The following INIP variants were observed in gnomAD, a reference collection of about 807,000 sequenced individuals.
INIP encodes SOSS complex subunit C.
INIP carries 9 observed loss-of-function variants against 14.0 expected under a neutral mutation model. The ratio of observed to expected loss-of-function variants is 0.64; its 90% CI spans 0.39 to 1.12. The LOEUF (loss-of-function observed/expected upper bound fraction) is 1.12. Ranked by LOEUF, INIP falls within the 50% of genes most tolerant of loss-of-function variation. The pLI, the probability that INIP is intolerant of heterozygous loss-of-function variation, is 0.01. For synonymous variants in INIP, 37 were observed against 41.5 expected (o/e 0.89, Z 0.41); for missense variants, 78 against 122.7 (o/e 0.64, Z 1.72).
intron 2 of INIP, among the ~76,000 whole-genome samples, chr9:112,699,638 G>T (rs1009145178): frequency 6.6e-6 from 1 of 152,150 alleles, no homozygotes; most frequent in Non-Finnish European, 1.5e-5. Context: ...AGTACCATCT[G>T]TGATTTCAGG....
chr9:112,689,692 ATCT>A, intron 3 of INIP, 75 bp from the exon 4 acceptor site: 1 of 1,121,740 alleles, frequency 8.9e-7, no homozygotes, highest in Non-Finnish European at 1.3e-6. Context: ...GTAGTAAATT[ATCT>A]TCTTTTTTTT....
rs1159278831 is a variant in INIP, at chr9:112,705,026, G to T, written c.26-10793C>A. Among the ~76,000 whole-genome samples the T allele has an allele frequency of 2.0e-5, 3 of 149,150 alleles. No homozygotes were observed. In the East Asian group the frequency reaches 6.0e-4, roughly 30 times the overall value. The stretch of plus-strand genomic sequence containing the variant: ...CTCAGGAGGCTTAGGCAGGAGGATG[G>T]CTTGAACCTGGGAGGTCAAAGCTGC... On this transcript the variant is annotated intron_variant, in intron 2 of 4. Coordinates refer to ENST00000374242, the MANE Select transcript of INIP (RefSeq NM_021218.3).
In INIP at chr9:112,713,855, G is replaced by A. The variant is rs561103116; in HGVS notation, c.25+2606C>T. Among the ~76,000 whole-genome samples, 10 of 152,044 alleles carry A rather than the reference G, an allele frequency of 6.6e-5. 1 individual carries two copies. The East Asian group carries it at 1.7e-3, about 26-fold the overall frequency. On this transcript the variant is annotated intron_variant, in intron 2 of 4. Transcript: ENST00000374242. ...AAAAATTAGCCAGGCGCAGTGGCAC[G>A]CGCCTGTAATCCCAGCTACTCAGGA... is the stretch of plus-strand genomic sequence containing the variant.
intron 4 of INIP, among the ~76,000 whole-genome samples, chr9:112,688,647 C>T (rs1340794663): frequency 1.3e-5 from 2 of 151,898 alleles, no homozygotes; most frequent in Non-Finnish European, 2.9e-5. Flanking sequence ...ACAGTGAGAC[C>T]CCATCTCTAC....
intron 2 of INIP, among the ~76,000 whole-genome samples, chr9:112,707,181 C>T (rs1172138778): frequency 2.6e-5 from 4 of 151,210 alleles, no homozygotes; most frequent in South Asian, 2.1e-4. Context: ...TCAGGTGATC[C>T]GCCCACTTTG....
chr9:112,707,694 T>C (rs1838524469), intron 2 of INIP, among the ~76,000 whole-genome samples: 1 of 152,348 alleles, frequency 6.6e-6, no homozygotes, highest in African/African-American at 2.4e-5. Flanking sequence ...GTGAAAATTA[T>C]TTTGATTATG....
rs1406873720 is a variant in INIP at position 112,685,028 on chromosome 9, G to A, written c.*2510C>T. ...GTAAAAATCACATGAATACTTCTAA[G>A]CCTAGCCAGACCGCACTGCGTTCCA... On this transcript the variant is annotated 3_prime_UTR_variant, in exon 5 of 5. Coordinates refer to ENST00000374242, the MANE Select transcript of INIP (RefSeq NM_021218.3). The A allele has an allele frequency of 2.0e-5, 3 of 152,142 alleles. No individual in the cohort carries two copies. The highest frequency in any genetic ancestry group is 7.2e-5 in the African/African-American group (3 of 41,406). The allele number at this position is 152,142 out of a possible 1,614,324, so 9.4% of individuals were successfully genotyped here. A position where few individuals can be genotyped will look rare whatever the true frequency, so the allele number is the denominator to read the frequency against.
intron 2 of INIP, among the ~76,000 whole-genome samples, chr9:112,699,342 ATTCT>A (rs1232889182): frequency 6.6e-6 from 1 of 152,124 alleles, no homozygotes; most frequent in African/African-American, 2.4e-5. Flanking sequence ...TTTAAAAAAG[ATTCT>A]TTCTCTTTAG....
At chr9:112,714,243 C>T (rs1453868974) in intron 2 of INIP, among the ~76,000 whole-genome samples, 2 of 151,940 alleles carry the variant, frequency 1.3e-5, no homozygotes, top group African/African-American at 2.4e-5. Flanking sequence ...TTTAAGAGTC[C>T]ATAAGTTTAA....
intron 2 of INIP, among the ~76,000 whole-genome samples, chr9:112,716,095 C>T (rs1047826157): frequency 2.0e-5 from 3 of 151,932 alleles, no homozygotes; most frequent in Non-Finnish European, 2.9e-5. Flanking sequence ...TTTTTTGAGA[C>T]GGAGTCTCAC....
In INIP at chr9:112,704,192, C is replaced by T. The variant is rs556919167; in HGVS notation, c.26-9959G>A. Among the ~76,000 whole-genome samples the T allele has an allele frequency of 4.6e-5, 7 of 152,324 alleles. No homozygotes were observed. In the South Asian group the frequency reaches 1.5e-3, roughly 32 times the overall value. ...AAATTCAGATCAGCACAGGCCCTAA[C>T]ACATACAGCAATATGTATTTTTAAA... On this transcript the variant is annotated intron_variant, in intron 2 of 4. Coordinates refer to ENST00000374242, the MANE Select transcript of INIP (RefSeq NM_021218.3).
chr9:112,707,484 G>GTTTCTTTTTTTTCCTCCCGCACA (rs566143318), intron 2 of INIP, among the ~76,000 whole-genome samples: 162 of 151,134 alleles, frequency 1.1e-3, no homozygotes, highest in African/African-American at 3.8e-3. Flanking sequence ...ACTCCCACAC[G>GTTTCTTTTTTTTCCTCCCGCACA]TTTCTTTTTT....
At chr9:112,709,290 G>C (rs890524114) in intron 2 of INIP, among the ~76,000 whole-genome samples, 2 of 152,032 alleles carry the variant, frequency 1.3e-5, no homozygotes, top group Non-Finnish European at 2.9e-5. Context: ...ATCAAGAAGA[G>C]GTCTTTTGCC....
At chr9:112,692,474 G>A (rs572587225) in intron 3 of INIP, among the ~76,000 whole-genome samples, 1 of 152,060 alleles carries the variant, frequency 6.6e-6, no homozygotes, top group South Asian at 2.1e-4. Context: ...TTGTAGAGAT[G>A]GGTCTTGCCA....
chr9:112,697,464 G>A (rs755055343), intron 2 of INIP, among the ~76,000 whole-genome samples: 35 of 152,168 alleles, frequency 2.3e-4, no homozygotes, highest in Non-Finnish European at 4.7e-4. Context: ...TGTGCCTGTA[G>A]GCTAGCTACT....
chr9:112,714,117 T>A (rs553761372), intron 2 of INIP, among the ~76,000 whole-genome samples: 146 of 152,198 alleles, frequency 9.6e-4, no homozygotes, highest in Middle Eastern at 3.4e-3. Flanking sequence ...GATAAAGTCA[T>A]ACCATGGAAT....
At chr9:112,706,531 G>A (rs1411116603) in intron 2 of INIP, among the ~76,000 whole-genome samples, 3 of 151,786 alleles carry the variant, frequency 2.0e-5, no homozygotes, top group Non-Finnish European at 4.4e-5. Context: ...TGGGATTACA[G>A]GCATGAGCCA....
intron 2 of INIP, among the ~76,000 whole-genome samples, chr9:112,708,506 A>G (rs1421408686): frequency 1.3e-5 from 2 of 152,198 alleles, no homozygotes; most frequent in Non-Finnish European, 2.9e-5. Context: ...TGAAGGAATG[A>G]GGAAGAAGGT....
intron 2 of INIP, among the ~76,000 whole-genome samples, chr9:112,708,004 G>A (rs1339447018): frequency 6.6e-6 from 1 of 152,170 alleles, no homozygotes; most frequent in African/African-American, 2.4e-5. Context: ...TAGGTTCTAA[G>A]GATGCAATGA....
Sources: allele counts gnomAD v4.1 joint callset (sites outside exome capture counted in the v4.1 genomes callset), GRCh38; gene constraint gnomAD v4.1.1; transcripts MANE v1.5; gene names NCBI Gene and HGNC (gene_info 2026-07-23, HGNC 2026-07-21).